The following CAPN3 variants were observed in gnomAD, a reference collection of about 807,000 sequenced individuals.
CAPN3 encodes the protein calpain 3.
Under a neutral mutation model 114.0 loss-of-function variants are expected in CAPN3, and 88 were observed. The ratio of observed to expected loss-of-function variants is 0.77; its 90% CI spans 0.65 to 0.92. The LOEUF (loss-of-function observed/expected upper bound fraction) is 0.92. Among genes scored for constraint, CAPN3 ranks in the 40% least tolerant of loss-of-function variants. The probability of loss-of-function intolerance (pLI) is 0.00; values close to 1 mark genes in which losing one functional copy is unlikely to be tolerated. For missense variants in CAPN3, 1,028 were observed against 1,069.0 expected (o/e 0.96, Z 0.53); for synonymous variants, 386 against 382.9 (o/e 1.01, Z -0.09).
intron 1 of CAPN3, among the ~76,000 whole-genome samples, chr15:42,371,662 C>G (rs2052950616): frequency 6.6e-6 from 1 of 152,130 alleles, no homozygotes; most frequent in Non-Finnish European, 1.5e-5. Flanking sequence ...CCTCTTCACT[C>G]TCTCAAGAAT....
At chr15:42,393,595 C>CTT (rs199564761) in intron 7 of CAPN3, among the ~76,000 whole-genome samples, 140 of 128,854 alleles carry the variant, frequency 1.1e-3, no homozygotes, top group African/African-American at 3.9e-3. Context: ...TTCTTTCTTT[C>CTT]TTTTTTTTTT....
Position 42,411,362 on chromosome 15 carries a change from G to C in CAPN3, c.2439+17G>C, listed in dbSNP as rs1399609124. On this transcript the variant is annotated intron_variant, in intron 23 of 23. Coordinates refer to ENST00000397163, the MANE Select transcript of CAPN3 (RefSeq NM_000070.3). ...GTTCTGGAGGTAAAGCATAGGCACA[G>C]CACATTCCCCCTACACATTAAAACT... The C allele has an allele frequency of 6.2e-7, 1 of 1,611,774 alleles. No individual in the cohort carries two copies. Among genetic ancestry groups the C allele is most frequent in the Admixed American group, 1.7e-5 (1 of 60,018 alleles).
Position 42,394,301 on chromosome 15 carries a change from C to T in CAPN3, c.1075C>T (p.Pro359Ser). 6.4e-7 allele frequency: 1 copy of T among 1,563,840 alleles called. No homozygotes were observed. The highest frequency in any genetic ancestry group is 8.7e-7 in the Non-Finnish European group (1 of 1,153,512). Reference protein sequence around the residue: ...EKVKLVRLRNPWGQVEWNGSW... With the variant: ...EKVKLVRLRNSWGQVEWNGSW... Reference sequence around the variant, plus strand: ...AGTGAAGCTGGTGCGGCTGCGGAATCCGTGGGGCCAGGTGGAGTGGAACGG... The same window carrying T: ...AGTGAAGCTGGTGCGGCTGCGGAATTCGTGGGGCCAGGTGGAGTGGAACGG... Residue 359 changes from proline to serine, a missense_variant, in exon 8 of 24, where the codon CCG becomes TCG. Transcript: ENST00000397163.
Position 42,411,868 on chromosome 15 carries a change from C to T in CAPN3, c.*95C>T. On this transcript the variant is annotated 3_prime_UTR_variant, in exon 24 of 24. Coordinates refer to ENST00000397163, the MANE Select transcript of CAPN3 (RefSeq NM_000070.3). ...CCATTTACCTCAAAGGACCCAGCAG[C>T]TACACCCCTACAGGCTTCCAGGCAC... The T allele has an allele frequency of 3.1e-6, 5 of 1,605,364 alleles. No homozygotes were observed. The highest frequency in any genetic ancestry group is 4.3e-6 in the Non-Finnish European group (5 of 1,175,620).
chr15:42,385,827 T>G (rs1279149691), intron 2 of CAPN3: 1 of 553,920 alleles, frequency 1.8e-6, no homozygotes, highest in Non-Finnish European at 3.5e-6. Flanking sequence ...TTCCTACAGG[T>G]GTTAGGAAGA....
Position 42,359,691 on chromosome 15 carries a change from C to A in CAPN3, c.-115C>A. On this transcript the variant is annotated 5_prime_UTR_variant, in exon 1 of 24. Transcript: ENST00000397163. ...TTCAACTTTGAACTGGATGTGGACA[C>A]TTTTCTCTCAGATGACAGAATTACT... 6.3e-7 allele frequency: 1 copy of A among 1,575,636 alleles called. No homozygotes were observed. The highest frequency in any genetic ancestry group is 1.4e-5 in the African/African-American group (1 of 73,558).
rs768925755 is a variant in CAPN3 at position 42,359,912 on chromosome 15, G to A, written c.107G>A (p.Gly36Asp). The change falls in exon 1 of 24, where the codon GGT becomes GAT. Residue 36 changes from glycine to aspartate, a missense_variant. By Grantham distance (94) the Gly-to-Asp change is moderately conservative (BLOSUM62 -1). Coordinates refer to ENST00000397163, the MANE Select transcript of CAPN3 (RefSeq NM_000070.3). The part of the protein sequence containing the change: ...PAQSKATEAG[G>D]GNPSGIYSAI... ...CAGAGCAAGGCCACTGAGGCTGGGG[G>A]TGGAAACCCAAGTGGCATCTATTCA... 7.4e-6 allele frequency: 12 copies of A among 1,614,240 alleles called. No individual in the cohort carries two copies. The highest frequency in any genetic ancestry group is 1.0e-5 in the Non-Finnish European group (12 of 1,180,042).
chr15:42,396,687 T>G (rs1254529114), intron 8 of CAPN3, 113 bp from the exon 9 acceptor site: 5 of 803,464 alleles, frequency 6.2e-6, no homozygotes, highest in Non-Finnish European at 8.7e-6. Context: ...AAGTCAGCAT[T>G]TTGGTAGTTC....
chr15:42,379,107 T>C (rs919334307), intron 1 of CAPN3, among the ~76,000 whole-genome samples: 4 of 152,034 alleles, frequency 2.6e-5, no homozygotes, highest in East Asian at 1.9e-4. Flanking sequence ...AGGTCAGGAG[T>C]TCGAGACCAG....
chr15:42,409,979 T>C lies in CAPN3; in HGVS notation c.2099T>C (p.Met700Thr), dbSNP rs762776236. ...HGFTLESCRSMIALMDTDGSG... is the reference protein window; with the variant it reads ...HGFTLESCRSTIALMDTDGSG... ...TTCACACTGGAGTCCTGCCGTAGCA[T>C]GATTGCGCTCATGGATGTATCCTTC... Residue 700 changes from methionine (M) to threonine (T), a missense_variant, in exon 19 of 24, where the codon ATG becomes ACG. Transcript: ENST00000397163. 19 of 1,611,994 alleles carry C rather than the reference T, an allele frequency of 1.2e-5. No homozygotes were observed. The East Asian group carries it at 2.0e-4, about 17-fold the overall frequency.
intron 6 of CAPN3, among the ~76,000 whole-genome samples, chr15:42,390,456 T>C (rs778459466): frequency 1.3e-5 from 2 of 152,212 alleles, no homozygotes; most frequent in Non-Finnish European, 2.9e-5. Context: ...TCCTACTATG[T>C]TCCAGGCACT....
At chr15:42,408,387 G>GGATA in intron 16 of CAPN3, 63 bp downstream of exon 16, 1 of 989,250 alleles carries the variant, frequency 1.0e-6, no homozygotes, top group South Asian at 1.3e-5. Context: ...TATGCGCTTG[G>GGATA]GATACACAGG....
intron 11 of CAPN3, 136 bp from the exon 12 acceptor site, chr15:42,401,988 C>T: frequency 7.5e-7 from 1 of 1,330,548 alleles, no homozygotes; most frequent in South Asian, 1.2e-5. Context: ...ATTAGAGAGG[C>T]AGTGGAGCGG....
intron 9 of CAPN3, 115 bp from the exon 10 acceptor site, chr15:42,399,377 T>C (rs1008870153): frequency 2.9e-5 from 25 of 858,504 alleles, no homozygotes; most frequent in South Asian, 7.0e-5. Flanking sequence ...TCTGGGACCC[T>C]GACCAAGTTC....
intron 6 of CAPN3, among the ~76,000 whole-genome samples, chr15:42,392,415 A>G (rs1177156104): frequency 6.6e-6 from 1 of 152,142 alleles, no homozygotes; most frequent in African/African-American, 2.4e-5. Context: ...TCTGATGGTC[A>G]GGACAGAGCC....
chr15:42,404,676 G>A (rs939101359), intron 14 of CAPN3: 4 of 1,185,822 alleles, frequency 3.4e-6, no homozygotes, highest in Non-Finnish European at 4.3e-6. Flanking sequence ...GGGGCTTTGG[G>A]CTGTAGTCAG....
chr15:42,385,277 C>A (rs1318455740), intron 2 of CAPN3, among the ~76,000 whole-genome samples: 1 of 152,150 alleles, frequency 6.6e-6, no homozygotes, highest in African/African-American at 2.4e-5. Flanking sequence ...GAGAATAAAT[C>A]AGATGAATAT....
chr15:42,377,951 G>A (rs538306625), intron 1 of CAPN3, among the ~76,000 whole-genome samples: 72 of 152,286 alleles, frequency 4.7e-4, no homozygotes, highest in Middle Eastern at 3.4e-3. Flanking sequence ...TGTGAGCATG[G>A]AGCTGTCCAT....
At chr15:42,373,155 C>T (rs567747417) in intron 1 of CAPN3, among the ~76,000 whole-genome samples, 67 of 150,942 alleles carry the variant, frequency 4.4e-4, no homozygotes, top group Admixed American at 1.1e-3. Context: ...ATCATGCCAC[C>T]GCACTCCAGC....
Sources: allele counts gnomAD v4.1 joint callset (sites outside exome capture counted in the v4.1 genomes callset), GRCh38; gene constraint gnomAD v4.1.1; transcripts MANE v1.5; gene names NCBI Gene and HGNC (gene_info 2026-07-23, HGNC 2026-07-21).